The following SNTG1 variants were observed in gnomAD, a reference collection of about 807,000 sequenced individuals.
SNTG1 encodes the protein gamma-1-syntrophin.
A neutral mutation model predicts 74.7 loss-of-function variants in SNTG1; 39 were observed. The observed-to-expected ratio is 0.52, with a 90% confidence interval of 0.40 to 0.68. The LOEUF (loss-of-function observed/expected upper bound fraction) is 0.68, where lower values mean the gene tolerates loss of function less well. SNTG1 is among the 30% of genes least tolerant of loss of function. The pLI is 0.00. For missense variants in SNTG1, 685 were observed against 609.5 expected, an observed-to-expected ratio of 1.12 and a Z score of -1.30; for synonymous variants, 254 against 217.1, an observed-to-expected ratio of 1.17 and a Z score of -1.49.
chr8:50,767,568 G>T, intron 18 of SNTG1, among the ~76,000 whole-genome samples: 1 of 151,870 alleles, frequency 6.6e-6, no homozygotes, highest in East Asian at 1.9e-4. Flanking sequence ...AGTGGAACAG[G>T]GGAGTGGTTC....
At chr8:50,596,588 A>T (rs2094728660) in intron 13 of SNTG1, among the ~76,000 whole-genome samples, 2 of 152,036 alleles carry the variant, frequency 1.3e-5, no homozygotes, top group African/African-American at 4.8e-5. Flanking sequence ...ATACAAATTG[A>T]TCACATACAT....
intron 9 of SNTG1, among the ~76,000 whole-genome samples, chr8:50,522,708 A>G (rs1289383154): frequency 3.3e-5 from 5 of 151,816 alleles, no homozygotes; most frequent in African/African-American, 4.8e-5. Context: ...CCTCCCAAGT[A>G]GCTGGGAATA....
chr8:49,919,370 G>T (rs541629708), intron 1 of SNTG1, among the ~76,000 whole-genome samples: 1 of 152,030 alleles, frequency 6.6e-6, no homozygotes, highest in East Asian at 1.9e-4. Flanking sequence ...GAACACAAAT[G>T]ACTAGCATAG....
At chr8:50,107,871 A>G (rs2080440535) in intron 1 of SNTG1, among the ~76,000 whole-genome samples, 1 of 152,180 alleles carries the variant, frequency 6.6e-6, no homozygotes, top group Non-Finnish European at 1.5e-5. Flanking sequence ...ATTTTTAACA[A>G]GAGCGAATCA....
intron 12 of SNTG1, among the ~76,000 whole-genome samples, chr8:50,573,846 T>C (rs1585727499): frequency 2.0e-5 from 3 of 151,964 alleles, no homozygotes; most frequent in South Asian, 4.1e-4. Context: ...TTCTTATATA[T>C]AATAGTCTTA....
intron 2 of SNTG1, among the ~76,000 whole-genome samples, chr8:50,278,641 C>G (rs1281665657): frequency 1.3e-5 from 2 of 151,714 alleles, no homozygotes; most frequent in Non-Finnish European, 2.9e-5. Context: ...TATAAATGGA[C>G]CCTAAATCAG....
intron 4 of SNTG1, among the ~76,000 whole-genome samples, chr8:50,423,058 T>G (rs977340197): frequency 6.6e-6 from 1 of 152,158 alleles, no homozygotes; most frequent in Non-Finnish European, 1.5e-5. Flanking sequence ...ACTGATACAG[T>G]TTTTGCAAAG....
At chr8:50,130,200 G>C (rs1025867009) in intron 1 of SNTG1, among the ~76,000 whole-genome samples, 8 of 152,088 alleles carry the variant, frequency 5.3e-5, no homozygotes, top group African/African-American at 1.9e-4. Context: ...AAGTTATCCT[G>C]AATGTAGAAC....
intron 10 of SNTG1, among the ~76,000 whole-genome samples, chr8:50,531,300 G>C (rs2094265274): frequency 6.6e-6 from 1 of 151,194 alleles, no homozygotes; most frequent in Non-Finnish European, 1.5e-5. Context: ...TCTTCAGCTG[G>C]ATATATTTCA....
intron 17 of SNTG1, among the ~76,000 whole-genome samples, chr8:50,716,316 G>T (rs2095474933): frequency 6.6e-6 from 1 of 151,970 alleles, no homozygotes; most frequent in Admixed American, 6.6e-5. Context: ...TTCTTGAAAT[G>T]TCTCCTGTGT....
intron 1 of SNTG1, among the ~76,000 whole-genome samples, chr8:49,937,834 TTTTC>T (rs1042197312): frequency 6.6e-6 from 1 of 152,198 alleles, no homozygotes; most frequent in Non-Finnish European, 1.5e-5. Flanking sequence ...GACAGTTTTC[TTTTC>T]TTTCTCCTTT....
At chr8:50,383,578 CT>C in intron 2 of SNTG1, among the ~76,000 whole-genome samples, 1 of 152,244 alleles carries the variant, frequency 6.6e-6, no homozygotes, top group East Asian at 1.9e-4. Context: ...TAATAACCGC[CT>C]TTTTCCACTA....
intron 17 of SNTG1, among the ~76,000 whole-genome samples, chr8:50,729,123 C>G (rs998780403): frequency 1.3e-5 from 2 of 152,174 alleles, no homozygotes; most frequent in African/African-American, 4.8e-5. Flanking sequence ...TTGAGTGGTG[C>G]AGGTCCTAGG....
intron 2 of SNTG1, among the ~76,000 whole-genome samples, chr8:50,357,027 C>A (rs1378543714): frequency 6.6e-6 from 1 of 152,184 alleles, no homozygotes; most frequent in Non-Finnish European, 1.5e-5. Context: ...CCAAAATTGC[C>A]TTTGGGCCTT....
intron 15 of SNTG1, among the ~76,000 whole-genome samples, chr8:50,696,331 T>C (rs2095405123): frequency 6.6e-6 from 1 of 152,116 alleles, no homozygotes; most frequent in South Asian, 2.1e-4. Context: ...TTTCTTCTTG[T>C]TGAGTTGTCT....
intron 1 of SNTG1, among the ~76,000 whole-genome samples, chr8:50,040,749 A>C (rs1010159388): frequency 6.6e-6 from 1 of 152,220 alleles, no homozygotes; most frequent in Non-Finnish European, 1.5e-5. Flanking sequence ...AATCTATGAG[A>C]ATTTTAGGAG....
At chr8:49,943,796 G>A (rs1301106624) in intron 1 of SNTG1, among the ~76,000 whole-genome samples, 1 of 152,046 alleles carries the variant, frequency 6.6e-6, no homozygotes, top group Non-Finnish European at 1.5e-5. Context: ...ATATCACAAT[G>A]TATTGTATTT....
intron 1 of SNTG1, among the ~76,000 whole-genome samples, chr8:49,975,901 T>C (rs1003425822): frequency 6.6e-6 from 1 of 152,144 alleles, no homozygotes; most frequent in Non-Finnish European, 1.5e-5. Context: ...TTCCTACTTA[T>C]TTGTTTATTT....
rs1438041155 is a variant in SNTG1, at chr8:50,063,580, T to A, written c.-102-108981T>A. 3.3e-5 allele frequency among the ~76,000 whole-genome samples: 5 copies of A among 152,176 alleles called. No homozygotes were observed. In the East Asian group the frequency reaches 9.6e-4, roughly 29 times the overall value. On this transcript the variant is annotated intron_variant, in intron 1 of 18. Coordinates refer to ENST00000642720, the MANE Select transcript of SNTG1 (RefSeq NM_018967.5). ...AGGAAGCACTGACAGTTCATTGTCA[T>A]CTCTTCTTTTGTCCCTACATTTATG...
Sources: gnomAD v4.1 joint callset for allele counts (sites outside exome capture counted in the v4.1 genomes callset) on GRCh38, gnomAD v4.1.1 for gene constraint, MANE v1.5 for transcripts, NCBI Gene and HGNC (gene_info 2026-07-23, HGNC 2026-07-21) for gene names.